KLHL40: variants seen among roughly 807,000 people sequenced by gnomAD.
The protein encoded by KLHL40 is kelch-like protein 40.
Under a neutral mutation model 49.7 loss-of-function variants are expected in KLHL40, and 44 were observed. The ratio of observed to expected loss-of-function variants is 0.89; its 90% CI spans 0.70 to 1.14. KLHL40 has a LOEUF of 1.14. KLHL40 is among the 50% of genes most tolerant of loss of function. The pLI is 0.00. For synonymous variants in KLHL40, 409 were observed against 365.2 expected, an observed-to-expected ratio of 1.12 and a Z score of -1.37; for missense variants, 892 against 850.3, an observed-to-expected ratio of 1.05 and a Z score of -0.61.
rs939996203 is a variant in KLHL40, at chr3:42,686,250, C to T, written c.632C>T (p.Ala211Val). 3.2e-6 allele frequency: 5 copies of T among 1,555,310 alleles called. No homozygotes were observed. Among genetic ancestry groups the T allele is most frequent in the Non-Finnish European group, 4.3e-6 (5 of 1,151,588 alleles). The change falls in exon 1 of 6, where the codon GCT becomes GTT. Residue 211 changes from alanine to valine, a missense_variant. Physicochemically the swap from Ala to Val is moderately conservative, Grantham distance 64. Transcript: ENST00000287777. ...WAGSGDAEAQAERQRALPTVF... is the reference protein window; with the variant it reads ...WAGSGDAEAQVERQRALPTVF... ...GGTAGCGGCGACGCCGAGGCGCAGG[C>T]TGAGCGCCAGCGCGCGCTGCCCACC...
In KLHL40 at chr3:42,685,861, G is replaced by T; in HGVS notation, c.243G>T (p.Val81=). Residue 81 remains valine (V), a synonymous_variant, in exon 1 of 6, where the codon GTG becomes GTT. Coordinates refer to ENST00000287777, the MANE Select transcript of KLHL40 (RefSeq NM_152393.4). ...ACCTGGAGGAGGTGTCCCCGGACGT[G>T]GTGGCCCAGGTGCTGCACTACCTGT... ...ELHLEEVSPD[V]VAQVLHYLYT... 1 of 1,612,990 alleles carries T rather than the reference G, an allele frequency of 6.2e-7. No individual in the cohort carries two copies. The highest frequency in any genetic ancestry group is 8.5e-7 in the Non-Finnish European group (1 of 1,179,968).
At position 42,685,810 on chromosome 3, in the gene KLHL40, C is replaced by G. The variant is rs1697261127; in HGVS notation, c.192C>G (p.Ala64=). 1.2e-6 allele frequency: 2 copies of G among 1,612,598 alleles called. No homozygotes were observed. The highest frequency in any genetic ancestry group is 1.7e-6 in the Non-Finnish European group (2 of 1,179,680). ...CCTACTTCCGGGCGCGCTTTCTAGC[C>G]GAGCCGGAGCGCGCGGGCGAGCTGC... ...CSPYFRARFL[A]EPERAGELHL... is the part of the protein sequence containing the mutation. Residue 64 remains alanine, a synonymous_variant, in exon 1 of 6, where the codon GCC becomes GCG. Coordinates refer to ENST00000287777, the MANE Select transcript of KLHL40 (RefSeq NM_152393.4).
Position 42,690,907 on chromosome 3 carries a change from G to T in KLHL40, c.1656G>T (p.Leu552=), listed in dbSNP as rs1472861824. 3 of 1,613,690 alleles carry T rather than the reference G, an allele frequency of 1.9e-6. No individual in the cohort carries two copies. Among genetic ancestry groups the T allele is most frequent in the South Asian group, 1.1e-5 (1 of 91,062 alleles). ...CACAGGAGCGTAGCTCACTCAGCCT[G>T]GTCAGCCTGGTGGGTACCCTCTATG... ...AFPQERSSLS[L]VSLVGTLYAI... is the part of the protein sequence containing the mutation. The change falls in exon 5 of 6, where the codon CTG becomes CTT. Residue 552 remains leucine (L), a synonymous_variant. Transcript: ENST00000287777.
At chr3:42,686,923 C>T (rs1697282022) in intron 1 of KLHL40, among the ~76,000 whole-genome samples, 153 bp downstream of exon 1, 1 of 152,234 alleles carries the variant, frequency 6.6e-6, no homozygotes, top group Admixed American at 6.5e-5. Context: ...TAGCCACCTA[C>T]TTGAAGGTTG....
chr3:42,688,936 C>T lies in KLHL40; in HGVS notation c.1489C>T (p.Gln497Ter), dbSNP rs1697319878. 9 of 1,614,142 alleles carry T rather than the reference C, an allele frequency of 5.6e-6. No individual in the cohort carries two copies. Among genetic ancestry groups the T allele is most frequent in the South Asian group, 1.1e-5 (1 of 91,076 alleles). ...TGAGTGGAAGGAGCTGGCACCCATG[C>T]AGACCGCCCGCTCACTCTTTGGGGC... ...KFEWKELAPM[Q>*]TARSLFGATV... The change falls in exon 4 of 6, where the codon CAG becomes TAG. Residue 497 changes from glutamine (Q) to a stop codon, truncating the protein, a stop_gained. Transcript: ENST00000287777. LOFTEE classifies it high-confidence loss of function. The surrounding 1 kb of genome is among the most constrained non-coding windows in gnomAD (Gnocchi z 4.2).
Position 42,688,171 on chromosome 3 carries a change from GA to G in KLHL40, c.1183del (p.Met395CysfsTer72). 6.2e-7 allele frequency: 1 copy of G among 1,613,916 alleles called. No homozygotes were observed. The highest frequency in any genetic ancestry group is 8.5e-7 in the Non-Finnish European group (1 of 1,180,014). ...FDHLDSEWLGMPPLPSPRCLF... is the reference protein window; with the variant it reads ...FDHLDSEWLGXPPLPSPRCLF... ...ACCATCTGGACTCAGAGTGGCTGGG[GA>G]TGCCACCGCTGCCCTCGCCCCGCTG... On this transcript the variant is annotated frameshift_variant, in exon 2 of 6. Coordinates refer to ENST00000287777, the MANE Select transcript of KLHL40 (RefSeq NM_152393.4). LOFTEE classifies it high-confidence loss of function. This position sits in a 1 kb window ranked among gnomAD's most constrained non-coding sequence, Gnocchi z 4.2.
In KLHL40 at chr3:42,688,789, G is replaced by A. The variant is rs1051873115; in HGVS notation, c.1421+72G>A. On this transcript the variant is annotated intron_variant, in intron 3 of 5. Coordinates refer to ENST00000287777, the MANE Select transcript of KLHL40 (RefSeq NM_152393.4). This position sits in a 1 kb window ranked among gnomAD's most constrained non-coding sequence, Gnocchi z 4.2. ...CCAGAGGCTGTCAGGGGTTTGTCCT[G>A]GCTGCCCCGGCAGGTGATTGCAGGG... 1.5e-5 allele frequency: 24 copies of A among 1,585,112 alleles called. No individual in the cohort carries two copies. Among genetic ancestry groups the A allele is most frequent in the Non-Finnish European group, 2.1e-5 (24 of 1,153,988 alleles).
rs1697262836 is a variant in KLHL40 at position 42,685,900 on chromosome 3, C to A, written c.282C>A (p.Ile94=). Residue 94 remains isoleucine (I), a synonymous_variant, in exon 1 of 6, where the codon ATC becomes ATA. Transcript: ENST00000287777. ...QVLHYLYTSE[I]ALDEASVQDL... ...TGCACTACCTGTACACATCAGAGAT[C>A]GCGCTGGATGAGGCGAGCGTGCAGG... The A allele has an allele frequency of 1.2e-6, 2 of 1,612,222 alleles. No individual in the cohort carries two copies. The highest frequency in any genetic ancestry group is 1.7e-6 in the Non-Finnish European group (2 of 1,179,998).
In KLHL40 at chr3:42,688,158, C is replaced by T. The variant is rs780182082; in HGVS notation, c.1169C>T (p.Ser390Leu). The T allele has an allele frequency of 1.9e-6, 3 of 1,613,966 alleles. No homozygotes were observed. In the South Asian group the frequency reaches 3.3e-5, roughly 18 times the overall value. Residue 390 changes from serine (S) to leucine (L), a missense_variant, in exon 2 of 6, where the codon TCA becomes TTA. Coordinates refer to ENST00000287777, the MANE Select transcript of KLHL40 (RefSeq NM_152393.4). The surrounding 1 kb of genome is among the most constrained non-coding windows in gnomAD (Gnocchi z 4.2). ...GGCCTGCAGTTTGACCATCTGGACT[C>T]AGAGTGGCTGGGGATGCCACCGCTG... The part of the protein sequence containing the change: ...AYFLQFDHLD[S>L]EWLGMPPLPS...
At position 42,692,006 on chromosome 3, in the gene KLHL40, G is replaced by C. The variant is rs780651665; in HGVS notation, c.*13G>C. The C allele has an allele frequency of 2.7e-6, 4 of 1,493,746 alleles. No individual in the cohort carries two copies. Among genetic ancestry groups the C allele is most frequent in the Non-Finnish European group, 3.7e-6 (4 of 1,070,500 alleles). 92.5% of individuals were successfully genotyped at this position (1,493,746 alleles called of 1,614,324 possible). On this transcript the variant is annotated 3_prime_UTR_variant, in exon 6 of 6. Coordinates refer to ENST00000287777, the MANE Select transcript of KLHL40 (RefSeq NM_152393.4). ...GACTAAGATGTGACCAGCTCAGGCAGACTGAACTAAGCACCCCTCCCATCC... is the reference window on the plus strand; with the variant it reads ...GACTAAGATGTGACCAGCTCAGGCACACTGAACTAAGCACCCCTCCCATCC...
rs754972016 is a variant in KLHL40 at position 42,686,724 on chromosome 3, A to G, written c.1106A>G (p.Tyr369Cys). ...NQVFVAGGLF[Y>C]NEDNKEDPMS... Reference sequence around the variant, plus strand: ...GTCTTCGTGGCTGGAGGCCTCTTCTACAACGAAGACAACAAAGAGGACCCC... The same window carrying G: ...GTCTTCGTGGCTGGAGGCCTCTTCTGCAACGAAGACAACAAAGAGGACCCC... Residue 369 changes from tyrosine (Y) to cysteine (C), a missense_variant, in exon 1 of 6, where the codon TAC becomes TGC. Coordinates refer to ENST00000287777, the MANE Select transcript of KLHL40 (RefSeq NM_152393.4). 6.2e-7 allele frequency: 1 copy of G among 1,613,142 alleles called. No homozygotes were observed.
rs142761414 is a variant in KLHL40 at position 42,690,872 on chromosome 3, G to A, written c.1621G>A (p.Glu541Lys). Residue 541 changes from glutamate (E) to lysine (K), a missense_variant, in exon 5 of 6, where the codon GAG becomes AAG. Coordinates refer to ENST00000287777, the MANE Select transcript of KLHL40 (RefSeq NM_152393.4). ...SITDNKWAPF[E>K]AFPQERSSLS... ...ACACACCCCCAGGTGGGCACCCTTC[G>A]AGGCCTTCCCACAGGAGCGTAGCTC... is the stretch of plus-strand genomic sequence containing the variant. The A allele has an allele frequency of 1.2e-4, 194 of 1,609,420 alleles. No individual in the cohort carries two copies. Among genetic ancestry groups the A allele is most frequent in the Middle Eastern group, 1.7e-4 (1 of 5,732 alleles).
At position 42,688,390 on chromosome 3, in the gene KLHL40, G is replaced by T; in HGVS notation, c.1313+88G>T. ...GGTCTAGGGCCTGGGGTGGGATTTG[G>T]AGCTAGAGCCTTGTGCTTAGAGTGA... On this transcript the variant is annotated intron_variant, in intron 2 of 5. Coordinates refer to ENST00000287777, the MANE Select transcript of KLHL40 (RefSeq NM_152393.4). The surrounding 1 kb of genome is among the most constrained non-coding windows in gnomAD (Gnocchi z 4.2). 2 of 1,461,740 alleles carry T rather than the reference G, an allele frequency of 1.4e-6. No homozygotes were observed. The highest frequency in any genetic ancestry group is 2.3e-5 in the East Asian group (1 of 42,842). 90.5% of individuals were successfully genotyped at this position (1,461,740 alleles called of 1,614,324 possible).
At chr3:42,691,485 C>G (rs927754428) in intron 5 of KLHL40, among the ~76,000 whole-genome samples, 1 of 152,024 alleles carries the variant, frequency 6.6e-6, no homozygotes, top group African/African-American at 2.4e-5. Flanking sequence ...GAACCTGCAG[C>G]CATCTGCACT....
rs774662858 is a variant in KLHL40 at position 42,686,136 on chromosome 3, C to T, written c.518C>T (p.Ser173Leu). 52 of 1,597,764 alleles carry T rather than the reference C, an allele frequency of 3.3e-5. No individual in the cohort carries two copies. Among genetic ancestry groups the T allele is most frequent in the Non-Finnish European group, 4.3e-5 (51 of 1,177,752 alleles). The change falls in exon 1 of 6, where the codon TCG becomes TTG. Residue 173 changes from serine (S) to leucine (L), a missense_variant. Transcript: ENST00000287777. ...CGCGACGCTGACTTCCTCGGACTCT[C>T]GGCCGACGAGCTCATCGCCATCATC... ...VARDADFLGL[S>L]ADELIAIISS...
rs753397456 is a variant in KLHL40, at chr3:42,686,699, G to A, written c.1081G>A (p.Val361Ile). The change falls in exon 1 of 6, where the codon GTC becomes ATC. Residue 361 changes from valine to isoleucine, a missense_variant. Val to Ile is a conservative substitution (Grantham distance 29). Coordinates refer to ENST00000287777, the MANE Select transcript of KLHL40 (RefSeq NM_152393.4). ...CAGCCTGGTTACCAAGGAGAACCAGGTCTTCGTGGCTGGAGGCCTCTTCTA... is the reference window on the plus strand; with the variant it reads ...CAGCCTGGTTACCAAGGAGAACCAGATCTTCGTGGCTGGAGGCCTCTTCTA... Reference protein sequence around the residue: ...HVSLVTKENQVFVAGGLFYNE... With the variant: ...HVSLVTKENQIFVAGGLFYNE... 4.3e-6 allele frequency: 7 copies of A among 1,613,574 alleles called. No individual in the cohort carries two copies. In the South Asian group the frequency reaches 7.7e-5, roughly 18 times the overall value.
chr3:42,691,900 G>A lies in KLHL40; in HGVS notation c.1773G>A (p.Lys591=), dbSNP rs1485086422. Residue 591 remains lysine (K), a synonymous_variant, in exon 6 of 6, where the codon AAG becomes AAA. Transcript: ENST00000287777. ...TCCCCAGGTATAACGAGGAGGAGAA[G>A]AAATGGGAGGGTGTCCTGCGGGAGA... ...NDIWRYNEEE[K]KWEGVLREIA... 10 of 1,612,494 alleles carry A rather than the reference G, an allele frequency of 6.2e-6. No homozygotes were observed. The highest frequency in any genetic ancestry group is 8.5e-6 in the Non-Finnish European group (10 of 1,178,548).
At position 42,692,285 on chromosome 3, in the gene KLHL40, C is replaced by T. The variant is rs140341148; in HGVS notation, c.*292C>T. 379 of 473,878 alleles carry T rather than the reference C, an allele frequency of 8.0e-4. 1 individual carries two copies. Among genetic ancestry groups the T allele is most frequent in the African/African-American group, 6.5e-3 (337 of 51,886 alleles). 29.4% of individuals were successfully genotyped at this position (473,878 alleles called of 1,614,324 possible). On this transcript the variant is annotated 3_prime_UTR_variant, in exon 6 of 6. Coordinates refer to ENST00000287777, the MANE Select transcript of KLHL40 (RefSeq NM_152393.4). ...CCCAGGCCGTGTGCTGGCCCTGCCC[C>T]AGCCTAGCTGAGTGTGCTGGCAAAG...
intron 1 of KLHL40, among the ~76,000 whole-genome samples, chr3:42,687,089 C>G (rs529085863): frequency 6.6e-6 from 1 of 152,310 alleles, no homozygotes; most frequent in East Asian, 1.9e-4. Context: ...GTGTGAGGAT[C>G]CTGGGCAGGG....
Sources: gnomAD v4.1 joint callset for allele counts (sites outside exome capture counted in the v4.1 genomes callset) on GRCh38, gnomAD v4.1.1 for gene constraint, Gnocchi (gnomAD v3.1) non-coding constraint, MANE v1.5 for transcripts, NCBI Gene and HGNC (gene_info 2026-07-23, HGNC 2026-07-21) for gene names.